SORCS3: variants seen among roughly 807,000 people sequenced by gnomAD.
The protein encoded by SORCS3 is VPS10 domain-containing receptor SorCS3.
In SORCS3, 57 loss-of-function variants were observed where a neutral mutation model predicts 146.3. That is an observed-to-expected ratio of 0.39 (90% CI 0.31 to 0.49). The LOEUF (loss-of-function observed/expected upper bound fraction) is 0.49, where lower values mean the gene tolerates loss of function less well. Ranked by LOEUF, SORCS3 falls within the 20% of genes least tolerant of loss-of-function variation. SORCS3 has a pLI of 0.92. For missense variants in SORCS3, 1,341 were observed against 1,575.5 expected, an observed-to-expected ratio of 0.85 and a Z score of 2.52; for synonymous variants, 653 against 618.5, an observed-to-expected ratio of 1.06 and a Z score of -0.83.
At chr10:104,734,232 A>G (rs977414959) in intron 1 of SORCS3, among the ~76,000 whole-genome samples, 1 of 152,176 alleles carries the variant, frequency 6.6e-6, no homozygotes, top group Non-Finnish European at 1.5e-5. Flanking sequence ...AATTTTTACC[A>G]TTAGAGATGC....
At chr10:105,112,674 C>T (rs2055866396) in intron 7 of SORCS3, among the ~76,000 whole-genome samples, 1 of 152,142 alleles carries the variant, frequency 6.6e-6, no homozygotes, top group East Asian at 1.9e-4. Flanking sequence ...AGGTGGCATT[C>T]CCAGGGAGTA....
Position 105,206,534 on chromosome 10 carries a change from A to T in SORCS3, c.2262-4603A>T, listed in dbSNP as rs139988777. Reference sequence around the variant, plus strand: ...AGGAGGTAGTGGTGGGACTATGTAGACTTCCTGCTGAGGAAGAAAAGGAAA... The same window carrying T: ...AGGAGGTAGTGGTGGGACTATGTAGTCTTCCTGCTGAGGAAGAAAAGGAAA... On this transcript the variant is annotated intron_variant, in intron 16 of 26. Coordinates refer to ENST00000369701, the MANE Select transcript of SORCS3 (RefSeq NM_014978.3). 7.9e-3 allele frequency among the ~76,000 whole-genome samples: 1,210 copies of T among 152,334 alleles called. 53 individuals are homozygous for T. Among genetic ancestry groups the T allele is most frequent in the Admixed American group, 0.072 (1,099 of 15,296 alleles).
chr10:104,924,948 G>A (rs1224802118), intron 3 of SORCS3, among the ~76,000 whole-genome samples: 10 of 152,112 alleles, frequency 6.6e-5, no homozygotes, highest in Admixed American at 6.5e-4. Flanking sequence ...TGTGCAGAAC[G>A]TGCAGGTTTG....
intron 1 of SORCS3, among the ~76,000 whole-genome samples, chr10:104,709,035 G>A (rs768818833): frequency 6.6e-6 from 1 of 152,116 alleles, no homozygotes; most frequent in Non-Finnish European, 1.5e-5. Flanking sequence ...CCATCTCCTC[G>A]CTTTTGCTTT....
chr10:105,031,356 CACACACAA>C (rs1305223795), intron 4 of SORCS3, among the ~76,000 whole-genome samples: 58 of 145,550 alleles, frequency 4.0e-4, no homozygotes, highest in African/African-American at 1.4e-3. Context: ...CACACACACA[CACACACAA>C]AAACATGTAT....
At chr10:104,925,154 C>G (rs7901771) in intron 3 of SORCS3, among the ~76,000 whole-genome samples, 16,211 of 152,114 alleles carry the variant, frequency 0.11, 1,327 homozygotes, top group African/African-American at 0.23. Context: ...TGAGAACATG[C>G]GATGTTTGAT....
chr10:104,778,987 G>A (rs1330382064), intron 1 of SORCS3, among the ~76,000 whole-genome samples: 2 of 152,300 alleles, frequency 1.3e-5, no homozygotes, highest in South Asian at 2.1e-4. Flanking sequence ...GATTATCTGT[G>A]TGGGCCTGAT....
At chr10:104,945,405 G>A (rs916451492) in intron 3 of SORCS3, among the ~76,000 whole-genome samples, 2 of 151,816 alleles carry the variant, frequency 1.3e-5, no homozygotes, top group African/African-American at 4.8e-5. Flanking sequence ...TTATAGGAGT[G>A]CACCACCACC....
At chr10:105,141,612 C>A (rs2056095801) in intron 8 of SORCS3, among the ~76,000 whole-genome samples, 1 of 152,138 alleles carries the variant, frequency 6.6e-6, no homozygotes, top group Non-Finnish European at 1.5e-5. Flanking sequence ...TACTCCATAG[C>A]TTTGTAGTGT....
chr10:104,648,030 C>T (rs938268313), intron 1 of SORCS3, among the ~76,000 whole-genome samples: 2 of 152,152 alleles, frequency 1.3e-5, no homozygotes, highest in African/African-American at 4.8e-5. Context: ...ATGGTCCTGC[C>T]GACATGCTTT....
chr10:105,154,396 C>T (rs1310837056), intron 9 of SORCS3, among the ~76,000 whole-genome samples: 1 of 152,210 alleles, frequency 6.6e-6, no homozygotes, highest in Admixed American at 6.5e-5. Flanking sequence ...CAACAGATGA[C>T]CATGCCACCT....
At chr10:104,805,683 G>A (rs1337177427) in intron 1 of SORCS3, among the ~76,000 whole-genome samples, 1 of 152,068 alleles carries the variant, frequency 6.6e-6, no homozygotes, top group Non-Finnish European at 1.5e-5. Context: ...CCAGAGTAGG[G>A]AAGGGACCTG....
chr10:105,141,905 T>C (rs2056097979), intron 8 of SORCS3, among the ~76,000 whole-genome samples: 1 of 152,186 alleles, frequency 6.6e-6, no homozygotes, highest in South Asian at 2.1e-4. Context: ...GAAATGGGGT[T>C]AATATTGTTT....
At chr10:105,093,848 A>C (rs1263939210) in intron 6 of SORCS3, among the ~76,000 whole-genome samples, 1 of 152,194 alleles carries the variant, frequency 6.6e-6, no homozygotes, top group Non-Finnish European at 1.5e-5. Context: ...AAAGTTATAC[A>C]CATCTTATAA....
chr10:104,676,775 C>T (rs1215982340), intron 1 of SORCS3, among the ~76,000 whole-genome samples: 1 of 152,128 alleles, frequency 6.6e-6, no homozygotes, highest in Non-Finnish European at 1.5e-5. Context: ...TCTCTTCCAT[C>T]TCTTTTTTTT....
intron 5 of SORCS3, among the ~76,000 whole-genome samples, chr10:105,052,677 G>A (rs2055421387): frequency 6.6e-6 from 1 of 152,092 alleles, no homozygotes; most frequent in African/African-American, 2.4e-5. Context: ...TAGGTTGGTG[G>A]TGATGAGTTG....
At chr10:105,125,676 TATCCACAC>T (rs890391129) in intron 7 of SORCS3, among the ~76,000 whole-genome samples, 3 of 13,550 alleles carry the variant, frequency 2.2e-4, no homozygotes, top group African/African-American at 2.1e-3. Context: ...CATCACTGAA[TATCCACAC>T]ACACACACAC....
intron 3 of SORCS3, among the ~76,000 whole-genome samples, chr10:104,942,095 T>G (rs7915438): frequency 6.6e-6 from 1 of 152,040 alleles, no homozygotes; most frequent in African/African-American, 2.4e-5. Flanking sequence ...CTGGAGAGGT[T>G]GTGCCTAGAC....
At chr10:105,180,075 T>C (rs1167675060) in intron 14 of SORCS3, among the ~76,000 whole-genome samples, 1 of 152,228 alleles carries the variant, frequency 6.6e-6, no homozygotes, top group African/African-American at 2.4e-5. Context: ...GCTTCTAATA[T>C]ATATCAGACC....
Sources: allele counts gnomAD v4.1 joint callset (sites outside exome capture counted in the v4.1 genomes callset), GRCh38; gene constraint gnomAD v4.1.1; transcripts MANE v1.5; gene names NCBI Gene and HGNC (gene_info 2026-07-23, HGNC 2026-07-21).